The following MAD1L1 variants were observed in gnomAD, a reference collection of about 807,000 sequenced individuals.
The protein encoded by MAD1L1 is mitotic arrest deficient 1 like 1, also known as mitotic spindle assembly checkpoint protein MAD1.
MAD1L1 carries 95 observed loss-of-function variants against 96.9 expected under a neutral mutation model. The observed-to-expected ratio is 0.98, with a 90% CI of 0.83 to 1.16. The LOEUF is 1.16. Among genes scored for constraint, MAD1L1 ranks in the 50% most tolerant of loss-of-function variants. The pLI is 0.00. For synonymous variants in MAD1L1, 473 were observed against 396.6 expected (o/e 1.19, Z -2.29); for missense variants, 1,007 against 954.4 (o/e 1.06, Z -0.73).
At chr7:1,919,257 G>A (rs1052327575) in intron 17 of MAD1L1, among the ~76,000 whole-genome samples, 4 of 152,240 alleles carry the variant, frequency 2.6e-5, no homozygotes, top group Non-Finnish European at 4.4e-5. Context: ...CGTGGAGCAG[G>A]ACCTCCATCC....
At chr7:2,110,589 A>G (rs1390546603) in intron 11 of MAD1L1, among the ~76,000 whole-genome samples, 1 of 152,206 alleles carries the variant, frequency 6.6e-6, no homozygotes, top group Non-Finnish European at 1.5e-5. Flanking sequence ...CGGCAGATGA[A>G]GGCCTCCTTC....
At chr7:2,073,879 G>A (rs1785252888) in intron 11 of MAD1L1, among the ~76,000 whole-genome samples, 1 of 152,204 alleles carries the variant, frequency 6.6e-6, no homozygotes, top group African/African-American at 2.4e-5. Flanking sequence ...GGGCAGCAGA[G>A]AGACACCCAC....
intron 17 of MAD1L1, among the ~76,000 whole-genome samples, chr7:1,923,486 G>GGCACCCCCGCGCTCTTCCGCCCCGGCAC (rs1562527703): frequency 3.3e-5 from 5 of 150,234 alleles, no homozygotes; most frequent in African/African-American, 4.9e-5. Context: ...CGCCCCGGCA[G>GGCACCCCCGCGCTCTTCCGCCCCGGCAC]CCGGGCAACC....
At chr7:2,058,087 G>A (rs1208456470) in intron 12 of MAD1L1, among the ~76,000 whole-genome samples, 2 of 74,236 alleles carry the variant, frequency 2.7e-5, no homozygotes, top group Non-Finnish European at 4.9e-5. Flanking sequence ...GGAGAGGCGC[G>A]GGGCTGGAGA....
rs562399212 is a variant in MAD1L1 at position 2,059,007 on chromosome 7, G to A, written c.1218+10187C>T. On this transcript the variant is annotated intron_variant, in intron 12 of 18. Coordinates refer to ENST00000265854, the MANE Select transcript of MAD1L1 (RefSeq NM_001013836.2). Reference sequence around the variant, plus strand: ...AGAGGCGCAGGGCTGGAGAGGGAGTGTGGCCAGAGGAGAGAAGCAGGGCTG... The same window carrying A: ...AGAGGCGCAGGGCTGGAGAGGGAGTATGGCCAGAGGAGAGAAGCAGGGCTG... Among the ~76,000 whole-genome samples, 9 of 128,234 alleles carry A rather than the reference G, an allele frequency of 7.0e-5. No homozygotes were observed. The South Asian group carries it at 3.0e-3, about 42-fold the overall frequency. 84.1% of individuals were successfully genotyped at this position (128,234 alleles called of 152,430 possible). A position where few individuals can be genotyped will look rare whatever the true frequency, so the allele number is the denominator to read the frequency against.
At chr7:2,214,510 G>A (rs1022913707) in intron 9 of MAD1L1, among the ~76,000 whole-genome samples, 11 of 152,286 alleles carry the variant, frequency 7.2e-5, no homozygotes, top group African/African-American at 2.6e-4. Context: ...TGGCCAGCTG[G>A]ACAGCTGGGC....
chr7:2,079,128 G>A (rs533420295), intron 11 of MAD1L1, among the ~76,000 whole-genome samples: 16 of 152,358 alleles, frequency 1.1e-4, no homozygotes, highest in South Asian at 6.2e-4. Context: ...CCCCCACACC[G>A]TCATGAGGTT....
chr7:1,893,024 A>C (rs1786644929), intron 18 of MAD1L1, among the ~76,000 whole-genome samples: 1 of 152,166 alleles, frequency 6.6e-6, no homozygotes, highest in African/African-American at 2.4e-5. Context: ...TGCAGCCGGG[A>C]TGGAGAGACC....
Position 1,815,821 on chromosome 7 carries a change from A to T in MAD1L1, c.*249T>A, listed in dbSNP as rs768734695. ...CTAGGGGAGAAGATTTTATTTCACA[A>T]GGTGAGGAACCCAGGCTGGTGGCCG... On this transcript the variant is annotated 3_prime_UTR_variant, in exon 19 of 19. Transcript: ENST00000265854. The T allele has an allele frequency of 2.7e-5, 14 of 515,374 alleles. No homozygotes were observed. The highest frequency in any genetic ancestry group is 4.2e-5 in the Non-Finnish European group (12 of 288,236). The allele number at this position is 515,374 out of a possible 1,614,324, so 31.9% of individuals were successfully genotyped here. A position where few individuals can be genotyped will look rare whatever the true frequency, so the allele number is the denominator to read the frequency against.
chr7:2,101,806 C>T lies in MAD1L1; in HGVS notation c.1074-32468G>A, dbSNP rs185625437. On this transcript the variant is annotated intron_variant, in intron 11 of 18. Coordinates refer to ENST00000265854, the MANE Select transcript of MAD1L1 (RefSeq NM_001013836.2). The stretch of plus-strand genomic sequence containing the variant: ...TGCTCACCCACTAGACTGTTGGCTC[C>T]GTGCACACAGGGCCACAGCTGTCTC... Among the ~76,000 whole-genome samples, 1,009 of 152,280 alleles carry T rather than the reference C, an allele frequency of 6.6e-3. 6 individuals are homozygous for T. Among genetic ancestry groups the T allele is most frequent in the Non-Finnish European group, 8.0e-3 (541 of 68,030 alleles).
chr7:1,946,196 T>C lies in MAD1L1; in HGVS notation c.1597-9299A>G, dbSNP rs546254863. Among the ~76,000 whole-genome samples, 5 of 152,298 alleles carry C rather than the reference T, an allele frequency of 3.3e-5. No individual in the cohort carries two copies. In the South Asian group the frequency reaches 1.0e-3, roughly 32 times the overall value. On this transcript the variant is annotated intron_variant, in intron 16 of 18. Coordinates refer to ENST00000265854, the MANE Select transcript of MAD1L1 (RefSeq NM_001013836.2). ...CCTCTGTGCATTCTGGCAGGACGCC[T>C]CCTGCTCACAGAACCCACCTCTAGC... is the stretch of plus-strand genomic sequence containing the variant.
In MAD1L1 at chr7:2,014,442, A is replaced by G. The variant is rs1337438591; in HGVS notation, c.1359+60T>C. 9 of 1,505,916 alleles carry G rather than the reference A, an allele frequency of 6.0e-6. No homozygotes were observed. The East Asian group carries it at 1.7e-4, about 28-fold the overall frequency. The allele number at this position is 1,505,916 out of a possible 1,614,324, so 93.3% of individuals were successfully genotyped here. ...CCACCTCCCCGCCGCAGGCTCTGCC[A>G]AGGCCCACCGGGAAGAAGCCCCACC... On this transcript the variant is annotated intron_variant, in intron 13 of 18. Transcript: ENST00000265854.
intron 16 of MAD1L1, among the ~76,000 whole-genome samples, chr7:1,940,882 G>A (rs1328762497): frequency 1.2e-5 from 1 of 85,904 alleles, no homozygotes; most frequent in African/African-American, 4.7e-5. Context: ...GAACCAGGCC[G>A]CACAGCGTGT....
intron 17 of MAD1L1, among the ~76,000 whole-genome samples, chr7:1,917,932 G>T (rs1788516613): frequency 6.6e-6 from 1 of 152,190 alleles, no homozygotes; most frequent in Admixed American, 6.5e-5. Flanking sequence ...GGCCCTGACT[G>T]TGTTGCATCA....
rs74911074 is a variant in MAD1L1, at chr7:1,939,562, C to G, written c.1597-2665G>C. ...TGGGTCATGTCAGGCACAGACATGA[C>G]CCAGCAAGCCAGGCCAGCACCACGC... On this transcript the variant is annotated intron_variant, in intron 16 of 18. Transcript: ENST00000265854. Among the ~76,000 whole-genome samples, 3 of 151,110 alleles carry G rather than the reference C, an allele frequency of 2.0e-5. No homozygotes were observed. In the East Asian group the frequency reaches 6.6e-4, roughly 33 times the overall value.
intron 11 of MAD1L1, among the ~76,000 whole-genome samples, chr7:2,072,824 T>C (rs1785198632): frequency 6.6e-6 from 1 of 152,134 alleles, no homozygotes; most frequent in Non-Finnish European, 1.5e-5. Flanking sequence ...TGGGCAGCCT[T>C]GAAGGGGGCC....
intron 10 of MAD1L1, among the ~76,000 whole-genome samples, chr7:2,186,407 A>G (rs185860900): frequency 6.6e-6 from 1 of 152,366 alleles, no homozygotes; most frequent in Non-Finnish European, 1.5e-5. Context: ...AACTCAATCC[A>G]AGGGAAAATA....
chr7:2,093,008 C>A (rs963285495), intron 11 of MAD1L1, among the ~76,000 whole-genome samples: 2 of 151,416 alleles, frequency 1.3e-5, no homozygotes, highest in Admixed American at 6.6e-5. Context: ...GAGGCTGAGG[C>A]GGGTGGATCA....
At chr7:2,042,172 TACACATGC>T (rs1783711728) in intron 12 of MAD1L1, among the ~76,000 whole-genome samples, 1 of 142,594 alleles carries the variant, frequency 7.0e-6, no homozygotes, top group Admixed American at 6.8e-5. Flanking sequence ...TGTACACACA[TACACATGC>T]ACACACACAC....
Sources: gnomAD v4.1 joint callset for allele counts (sites outside exome capture counted in the v4.1 genomes callset) on GRCh38, gnomAD v4.1.1 for gene constraint, MANE v1.5 for transcripts, NCBI Gene and HGNC (gene_info 2026-07-23, HGNC 2026-07-21) for gene names.